Variants in RP1 observed in about 807,000 individuals in gnomAD.
RP1 encodes oxygen-regulated protein 1.
In RP1, 16 loss-of-function variants were observed where a neutral mutation model predicts 14.8. The observed-to-expected ratio is 1.08, with a 90% confidence interval of 0.73 to 1.65. The LOEUF (loss-of-function observed/expected upper bound fraction) is 1.65. Ranked by LOEUF, RP1 falls within the 40% of genes most tolerant of loss-of-function variation. The pLI, the probability that RP1 is intolerant of heterozygous loss-of-function variation, is 0.00. For missense variants in RP1, 2,631 were observed against 2,535.0 expected, an observed-to-expected ratio of 1.04 and a Z score of -0.81; for synonymous variants, 876 against 883.6, an observed-to-expected ratio of 0.99 and a Z score of 0.15.
intron 1 of RP1, among the ~76,000 whole-genome samples, chr8:54,571,515 C>G (rs983137662): frequency 2.6e-5 from 4 of 152,204 alleles, no homozygotes; most frequent in Non-Finnish European, 5.9e-5. Context: ...CTATGCACCC[C>G]AGTCCTGTAT....
intron 18 of RP1, chr8:54,734,828 G>A: frequency 1.8e-6 from 2 of 1,140,808 alleles, no homozygotes; most frequent in Non-Finnish European, 2.4e-6. Flanking sequence ...GTGTGTGTGT[G>A]TGTCTCCTAT....
In RP1 at chr8:54,808,267, G is replaced by A. The variant is rs79566780; in HGVS notation, c.3615+24557G>A. On this transcript the variant is annotated intron_variant, in intron 24 of 28. Coordinates refer to the RP1 transcript ENST00000637698. Reference sequence around the variant, plus strand: ...GTAAACTGGAGTCCACTGCATGGAGGCCCACTGCCCTCTAACTACCTGACT... The same window carrying A: ...GTAAACTGGAGTCCACTGCATGGAGACCCACTGCCCTCTAACTACCTGACT... 2.0e-3 allele frequency among the ~76,000 whole-genome samples: 303 copies of A among 152,296 alleles called. 2 individuals are homozygous for A. The highest frequency in any genetic ancestry group is 7.1e-3 in the African/African-American group (294 of 41,580).
intron 21 of RP1, chr8:54,758,793 C>A: frequency 1.1e-6 from 1 of 914,674 alleles, no homozygotes; most frequent in Non-Finnish European, 1.6e-6. Flanking sequence ...TTGATGCTAA[C>A]TACAGTAACA....
At chr8:54,670,719 C>T in intron 7 of RP1, among the ~76,000 whole-genome samples, 4 of 118,654 alleles carry the variant, frequency 3.4e-5, no homozygotes, top group South Asian at 2.6e-4. Flanking sequence ...AACATTAAGT[C>T]CTGGTGAATT....
Position 54,625,787 on chromosome 8 carries a change from C to T in RP1, c.1905C>T (p.Ser635=). Residue 635 remains serine (S), a synonymous_variant, in exon 4 of 4, where the codon TCC becomes TCT. Coordinates refer to ENST00000220676, the MANE Select transcript of RP1 (RefSeq NM_006269.2). ...CTGAGGCTCCAGCTTCAGAAGCATC[C>T]TCTACTGTCACTGCAAGAATTGACA... is the stretch of plus-strand genomic sequence containing the variant. The part of the protein sequence containing the change: ...NISEAPASEA[S]STVTARIDRL... The T allele has an allele frequency of 6.2e-7, 1 of 1,613,452 alleles. No homozygotes were observed. The highest frequency in any genetic ancestry group is 1.7e-5 in the Admixed American group (1 of 60,026).
intron 23 of RP1, chr8:54,780,891 G>A: frequency 1.0e-5 from 10 of 983,688 alleles, no homozygotes; most frequent in Non-Finnish European, 1.2e-5. Flanking sequence ...ATTGCACGTG[G>A]TTGCATGAGA....
At chr8:54,569,825 C>A (rs991363594) in intron 1 of RP1, among the ~76,000 whole-genome samples, 1 of 152,090 alleles carries the variant, frequency 6.6e-6, no homozygotes, top group Non-Finnish European at 1.5e-5. Context: ...TCATCACAGA[C>A]GACGTACCGC....
intron 1 of RP1, among the ~76,000 whole-genome samples, chr8:54,608,515 GA>G (rs1288539804): frequency 4.0e-5 from 6 of 151,824 alleles, no homozygotes; most frequent in East Asian, 1.9e-4. Context: ...CACTGACTAT[GA>G]AAAAAAAGTT....
chr8:54,800,726 A>G (rs1810685601), intron 24 of RP1, among the ~76,000 whole-genome samples: 1 of 152,130 alleles, frequency 6.6e-6, no homozygotes, highest in East Asian at 1.9e-4. Context: ...CAATTGTTTT[A>G]CTGAAAGTAC....
chr8:54,743,587 G>C (rs938150563), intron 19 of RP1, among the ~76,000 whole-genome samples: 6 of 151,930 alleles, frequency 3.9e-5, no homozygotes, highest in African/African-American at 1.5e-4. Context: ...AATTTACTTT[G>C]ATGCTGAAAT....
intron 19 of RP1, among the ~76,000 whole-genome samples, chr8:54,742,326 A>G (rs1458415544): frequency 1.3e-5 from 2 of 152,118 alleles, no homozygotes; most frequent in Non-Finnish European, 2.9e-5. Flanking sequence ...GTCTAGCAAA[A>G]TGTTTCTTTC....
At chr8:54,736,524 C>T (rs1235370057) in intron 18 of RP1, among the ~76,000 whole-genome samples, 3 of 152,120 alleles carry the variant, frequency 2.0e-5, no homozygotes, top group Non-Finnish European at 2.9e-5. Flanking sequence ...AGGTGTGTGC[C>T]GTGCGCTGCA....
At chr8:54,599,225 G>A (rs749079409) in intron 1 of RP1, among the ~76,000 whole-genome samples, 1 of 151,824 alleles carries the variant, frequency 6.6e-6, no homozygotes, top group Admixed American at 6.6e-5. Context: ...TCTTTTCCAT[G>A]ATGCTGTTGA....
intron 1 of RP1, chr8:54,560,438 C>T (rs3802207): frequency 0.85 from 129,480 of 152,094 alleles, 56,241 homozygotes; most frequent in Non-Finnish European, 0.96. Context: ...TGTATGGATG[C>T]GGATGTGGAG....
At chr8:54,769,370 C>G (rs964977247) in intron 22 of RP1, among the ~76,000 whole-genome samples, 1 of 152,170 alleles carries the variant, frequency 6.6e-6, no homozygotes, top group African/African-American at 2.4e-5. Context: ...GTACCATGCT[C>G]AAAATCTGAA....
chr8:54,865,696 G>A, intron 27 of RP1: 1 of 392,590 alleles, frequency 2.5e-6, no homozygotes, highest in Non-Finnish European at 4.5e-6. Context: ...TTCTCTACGG[G>A]CATAATTTGC....
chr8:54,726,362 A>G (rs765648955), exon 17 of RP1: 9 of 1,524,718 alleles, frequency 5.9e-6, no homozygotes, highest in South Asian at 1.2e-5. Context: ...AGAAAACCCA[A>G]TGGGAATGTC....
chr8:54,750,504 A>T (rs1509678), intron 19 of RP1, among the ~76,000 whole-genome samples: 119,264 of 152,180 alleles, frequency 0.78, 47,402 homozygotes, highest in African/African-American at 0.92. Flanking sequence ...CACTGAGAGG[A>T]GAAGCCAGCT....
rs1312169640 is a variant in RP1, at chr8:54,621,287, C to T, written c.321C>T (p.Ser107=). ...AGGACGGCGAGTCCTACCTATGTTC[C>T]CACGGCAGGAAGGTGCAGCCTGTAG... ...ELEDGESYLC[S]HGRKVQPVDL... is the part of the protein sequence containing the mutation. The change falls in exon 2 of 4, where the codon TCC becomes TCT. Residue 107 remains serine (S), a synonymous_variant. Coordinates refer to ENST00000220676, the MANE Select transcript of RP1 (RefSeq NM_006269.2). 6.2e-7 allele frequency: 1 copy of T among 1,613,986 alleles called. No homozygotes were observed. Among genetic ancestry groups the T allele is most frequent in the South Asian group, 1.1e-5 (1 of 91,076 alleles).
Sources: gnomAD v4.1 joint callset for allele counts (sites outside exome capture counted in the v4.1 genomes callset) on GRCh38, gnomAD v4.1.1 for gene constraint, MANE v1.5 for transcripts, NCBI Gene and HGNC (gene_info 2026-07-23, HGNC 2026-07-21) for gene names.